Variants in SP110 observed in about 807,000 individuals in gnomAD.
SP110 encodes SP110 nuclear body protein.
SP110 carries 62 observed loss-of-function variants against 92.7 expected under a neutral mutation model. The ratio of observed to expected loss-of-function variants is 0.67; its 90% confidence interval spans 0.55 to 0.83. SP110 has a LOEUF of 0.83. Ranked by LOEUF, SP110 falls within the 40% of genes least tolerant of loss-of-function variation. The pLI is 0.00. For missense variants in SP110, 793 were observed against 863.9 expected (o/e 0.92, Z 1.03); for synonymous variants, 273 against 305.3 (o/e 0.89, Z 1.10).
chr2:230,189,216 C>T (rs2042497960), intron 10 of SP110, among the ~76,000 whole-genome samples: 1 of 151,630 alleles, frequency 6.6e-6, no homozygotes, highest in African/African-American at 2.4e-5. Context: ...CTTCTCTCAT[C>T]TTTCTTTTTT....
chr2:230,198,606 C>CT (rs1439921461), intron 10 of SP110, among the ~76,000 whole-genome samples: 1 of 149,638 alleles, frequency 6.7e-6, no homozygotes, highest in Non-Finnish European at 1.5e-5. Context: ...ATTTTTTTTT[C>CT]TTTTTTGAGA....
At chr2:230,172,270 T>C (rs2078464681) in intron 15 of SP110, 96 bp from the exon 16 acceptor site, 1 of 847,434 alleles carries the variant, frequency 1.2e-6, no homozygotes, top group Admixed American at 1.7e-5. Context: ...AAGGATGGGC[T>C]CAGCCATGAG....
At chr2:230,223,069 G>T (rs376225410), upstream of SP110, among the ~76,000 whole-genome samples, 9 of 148,500 alleles carry the variant, frequency 6.1e-5, no homozygotes, top group East Asian at 1.8e-3. Flanking sequence ...ACAGAGTCAC[G>T]GTCTGTCTCC....
intron 10 of SP110, among the ~76,000 whole-genome samples, chr2:230,198,594 G>A (rs1340464778): frequency 6.7e-6 from 1 of 148,734 alleles, no homozygotes; most frequent in Non-Finnish European, 1.5e-5. Flanking sequence ...TAAAATGATA[G>A]AATTTTTTTT....
chr2:230,180,697 G>A (rs758007214), intron 12 of SP110, among the ~76,000 whole-genome samples: 7 of 152,062 alleles, frequency 4.6e-5, no homozygotes, highest in Non-Finnish European at 4.4e-5. Context: ...GAAATGCCAC[G>A]AGACTGCACA....
intron 9 of SP110, among the ~76,000 whole-genome samples, chr2:230,201,752 A>G (rs767847401): frequency 4.6e-5 from 7 of 152,354 alleles, no homozygotes; most frequent in Non-Finnish European, 8.8e-5. Flanking sequence ...AAAATCTTGC[A>G]TTAGTAGAAG....
intron 1 of SP110, among the ~76,000 whole-genome samples, chr2:230,225,127 T>C (rs570785179): frequency 1.3e-5 from 2 of 152,326 alleles, no homozygotes; most frequent in African/African-American, 4.8e-5. Context: ...CTCCTCAAGA[T>C]TTCAGTGAAA....
intron 10 of SP110, among the ~76,000 whole-genome samples, chr2:230,195,420 C>T (rs765868640): frequency 3.3e-5 from 5 of 152,114 alleles, no homozygotes; most frequent in Non-Finnish European, 5.9e-5. Flanking sequence ...CTGCAATCTC[C>T]ACATCCTGGG....
intron 12 of SP110, among the ~76,000 whole-genome samples, chr2:230,182,819 C>A (rs1177494501): frequency 6.6e-6 from 1 of 152,174 alleles, no homozygotes; most frequent in Non-Finnish European, 1.5e-5. Context: ...CTCCAGCCTA[C>A]GATGCGACAG....
rs558946624 is a variant in SP110 at position 230,219,768 on chromosome 2, A to C, written c.-2+106T>G. ...CATGTCTGAGCTCTGAGAGAGCCTC[A>C]GAGTTTAAATAGTTGAACTCCACCC... On this transcript the variant is annotated intron_variant, in intron 1 of 18. Transcript: ENST00000258381. The C allele has an allele frequency of 1.2e-4, 28 of 229,890 alleles. 1 individual carries two copies. In the South Asian group the frequency reaches 4.1e-3, roughly 34 times the overall value. The allele number at this position is 229,890 out of a possible 1,614,324, so 14.2% of individuals were successfully genotyped here.
chr2:230,208,629 C>T (rs1351596834), intron 7 of SP110, among the ~76,000 whole-genome samples: 8 of 151,998 alleles, frequency 5.3e-5, no homozygotes. Context: ...GTGAGGGGGT[C>T]AGAGGTTTGA....
intron 12 of SP110, among the ~76,000 whole-genome samples, chr2:230,182,200 G>A (rs1376896846): frequency 6.8e-6 from 1 of 146,972 alleles, no homozygotes; most frequent in Non-Finnish European, 1.5e-5. Context: ...GCAAACTAAT[G>A]CAGGAACGGA....
chr2:230,221,586 C>T (rs964628704), upstream of SP110: 11 of 1,008,398 alleles, frequency 1.1e-5, no homozygotes, highest in Middle Eastern at 2.6e-4. Flanking sequence ...TCAATGCTAA[C>T]AGCTGAGGAG....
chr2:230,180,797 A>G (rs1013213731), intron 12 of SP110, among the ~76,000 whole-genome samples: 1 of 152,224 alleles, frequency 6.6e-6, no homozygotes, highest in African/African-American at 2.4e-5. Flanking sequence ...CTGAGGGACA[A>G]CTGTCAACGT....
At position 230,212,396 on chromosome 2, in the gene SP110, C is replaced by T. The variant is rs372578277; in HGVS notation, c.618G>A (p.Ala206=). ...TGGGCATCTCTTCTGAGTCTTCTTCCGCATTCATTTTGGATGTTAACTTGT... is the reference window on the plus strand; with the variant it reads ...TGGGCATCTCTTCTGAGTCTTCTTCTGCATTCATTTTGGATGTTAACTTGT... ...TNDKLTSKMN[A]EEDSEEMPSL... Residue 206 remains alanine (A), a synonymous_variant, in exon 5 of 19, where the codon GCG becomes GCA. Coordinates refer to ENST00000258381, the MANE Select transcript of SP110 (RefSeq NM_080424.4). 3.0e-5 allele frequency: 48 copies of T among 1,613,338 alleles called. No homozygotes were observed. Among genetic ancestry groups the T allele is most frequent in the African/African-American group, 1.2e-4 (9 of 75,018 alleles).
intron 8 of SP110, among the ~76,000 whole-genome samples, chr2:230,204,907 G>A (rs1270134530): frequency 1.3e-5 from 2 of 152,006 alleles, no homozygotes; most frequent in Admixed American, 6.5e-5. Flanking sequence ...AGGATCAAAG[G>A]GGAGAGAAAT....
chr2:230,189,432 G>A (rs2042507053), intron 10 of SP110, among the ~76,000 whole-genome samples: 1 of 152,080 alleles, frequency 6.6e-6, no homozygotes, highest in Admixed American at 6.5e-5. Context: ...CTTAATTTCA[G>A]TGTTAACCCA....
intron 14 of SP110, chr2:230,173,651 T>C (rs2041715845): frequency 6.6e-6 from 1 of 152,404 alleles, no homozygotes; most frequent in Non-Finnish European, 1.5e-5. Flanking sequence ...ATCCCCACTG[T>C]TTCTCCATTT....
rs565560590 is a variant in SP110, at chr2:230,170,148, C to T, written c.2028+473G>A. On this transcript the variant is annotated intron_variant, in intron 18 of 18. Coordinates refer to ENST00000258381, the MANE Select transcript of SP110 (RefSeq NM_080424.4). ...CCCTAGTAAAGGAGGATGAAACCAA[C>T]ATTGGATCTGAAGGCAATTCCAGAT... 3.9e-5 allele frequency among the ~76,000 whole-genome samples: 6 copies of T among 152,324 alleles called. No homozygotes were observed. In the East Asian group the frequency reaches 1.2e-3, roughly 29 times the overall value.
Sources: gnomAD v4.1 joint callset for allele counts (sites outside exome capture counted in the v4.1 genomes callset) on GRCh38, gnomAD v4.1.1 for gene constraint, MANE v1.5 for transcripts, NCBI Gene and HGNC (gene_info 2026-07-23, HGNC 2026-07-21) for gene names.